Variants in DLG2 observed in about 807,000 individuals in gnomAD.
DLG2 encodes the protein discs large MAGUK scaffold protein 2.
A neutral mutation model predicts 132.5 loss-of-function variants in DLG2; 45 were observed. The ratio of observed to expected loss-of-function variants is 0.34; its 90% confidence interval spans 0.27 to 0.44. DLG2 has a LOEUF of 0.44. Among genes scored for constraint, DLG2 ranks in the 20% least tolerant of loss-of-function variants. DLG2 has a pLI of 1.00. For synonymous variants in DLG2, 424 were observed against 419.6 expected, an observed-to-expected ratio of 1.01 and a Z score of -0.13; for missense variants, 1,045 against 1,196.9, an observed-to-expected ratio of 0.87 and a Z score of 1.87.
rs2065621490 is a variant in DLG2, at chr11:83,638,963, T to C, written c.1826-5638A>G. On this transcript the variant is annotated intron_variant, in intron 18 of 27. Coordinates refer to ENST00000376104, the MANE Select transcript of DLG2 (RefSeq NM_001142699.3). ...CTGCCATACACTTGTTTGCAATTTG[T>C]TAAGGGTAAGTAAGGCGACTCAGAA... 1.3e-5 allele frequency among the ~76,000 whole-genome samples: 2 copies of C among 152,148 alleles called. 1 individual carries two copies. The highest frequency in any genetic ancestry group is 4.8e-5 in the African/African-American group (2 of 41,418).
intron 18 of DLG2, among the ~76,000 whole-genome samples, chr11:83,670,484 T>C (rs1209925019): frequency 6.6e-6 from 1 of 152,074 alleles, no homozygotes; most frequent in East Asian, 1.9e-4. Context: ...CAATTTAATA[T>C]CAGGAATTTT....
At chr11:83,596,937 A>G (rs944577269) in intron 19 of DLG2, among the ~76,000 whole-genome samples, 6 of 152,116 alleles carry the variant, frequency 3.9e-5, no homozygotes, top group African/African-American at 1.4e-4. Flanking sequence ...CATAGCTTTT[A>G]GTTCCTACCT....
At chr11:84,572,356 ATGT>A (rs1163922084) in intron 6 of DLG2, among the ~76,000 whole-genome samples, 3 of 152,098 alleles carry the variant, frequency 2.0e-5, no homozygotes, top group African/African-American at 4.8e-5. Context: ...AGCAAAAGTG[ATGT>A]TGTAGTAGCT....
At chr11:83,725,108 T>G in intron 18 of DLG2, 1 of 551,892 alleles carries the variant, frequency 1.8e-6, no homozygotes, top group South Asian at 2.6e-5. Flanking sequence ...AAAGATGGGA[T>G]TATTTTCTCC....
At chr11:84,748,781 A>C (rs2065725855) in intron 6 of DLG2, among the ~76,000 whole-genome samples, 2 of 152,116 alleles carry the variant, frequency 1.3e-5, no homozygotes, top group Admixed American at 1.3e-4. Context: ...CTCTCTTTTA[A>C]AATACTTGGC....
chr11:84,015,514 T>C (rs2095129686), intron 11 of DLG2, among the ~76,000 whole-genome samples: 1 of 152,148 alleles, frequency 6.6e-6, no homozygotes, highest in South Asian at 2.1e-4. Flanking sequence ...TAGCTATTCT[T>C]CCTGATGCTC....
intron 6 of DLG2, among the ~76,000 whole-genome samples, chr11:84,701,041 C>G (rs540349761): frequency 6.6e-6 from 1 of 151,630 alleles, no homozygotes; most frequent in South Asian, 2.1e-4. Flanking sequence ...ACCAGTCACA[C>G]GGCTGGGTGA....
At chr11:84,722,755 T>C (rs757615325) in intron 6 of DLG2, among the ~76,000 whole-genome samples, 1 of 152,160 alleles carries the variant, frequency 6.6e-6, no homozygotes, top group Non-Finnish European at 1.5e-5. Flanking sequence ...CCCTCAGAGT[T>C]GAGTTACACC....
intron 8 of DLG2, among the ~76,000 whole-genome samples, chr11:84,175,370 C>T (rs2095932932): frequency 6.6e-6 from 1 of 151,896 alleles, no homozygotes; most frequent in Non-Finnish European, 1.5e-5. Flanking sequence ...CCCTAGTAGC[C>T]GCATTATAAA....
At chr11:85,153,932 G>T (rs1036112747) in intron 5 of DLG2, among the ~76,000 whole-genome samples, 3 of 151,992 alleles carry the variant, frequency 2.0e-5, no homozygotes, top group Admixed American at 2.0e-4. Context: ...ATGAAAACAA[G>T]TTTCTCTAAT....
At chr11:85,056,907 A>G (rs607947) in intron 6 of DLG2, among the ~76,000 whole-genome samples, 107,049 of 151,730 alleles carry the variant, frequency 0.71, 38,909 homozygotes, top group East Asian at 0.96. Flanking sequence ...ACAAAAAACA[A>G]TGAATACACC....
intron 16 of DLG2, among the ~76,000 whole-genome samples, chr11:83,845,293 G>T (rs1399785676): frequency 6.6e-6 from 1 of 152,158 alleles, no homozygotes; most frequent in Non-Finnish European, 1.5e-5. Flanking sequence ...ACATGTATTA[G>T]GAAACTTGTG....
At chr11:84,919,983 C>G (rs1382875519) in intron 6 of DLG2, among the ~76,000 whole-genome samples, 3 of 152,072 alleles carry the variant, frequency 2.0e-5, no homozygotes, top group Non-Finnish European at 4.4e-5. Context: ...AAAACCCAAG[C>G]CAATGTAATG....
chr11:85,534,274 CAAATT>C (rs759547154), intron 3 of DLG2, among the ~76,000 whole-genome samples: 8 of 151,954 alleles, frequency 5.3e-5, no homozygotes, highest in Admixed American at 5.2e-4. Context: ...GAAAGCAATT[CAAATT>C]AAATTAAATT....
chr11:83,690,875 G>C (rs1208299606), intron 18 of DLG2, among the ~76,000 whole-genome samples: 2 of 152,160 alleles, frequency 1.3e-5, no homozygotes, highest in Non-Finnish European at 2.9e-5. Flanking sequence ...ACCACAAATA[G>C]TTTTACTGAA....
intron 3 of DLG2, among the ~76,000 whole-genome samples, chr11:85,333,591 G>A (rs965469833): frequency 6.6e-6 from 1 of 151,586 alleles, no homozygotes; most frequent in Admixed American, 6.6e-5. Flanking sequence ...CTCTTATTCT[G>A]AGGTATGTTC....
chr11:83,693,463 G>A (rs1324620854), intron 18 of DLG2, among the ~76,000 whole-genome samples: 5 of 152,064 alleles, frequency 3.3e-5, no homozygotes, highest in Non-Finnish European at 7.4e-5. Flanking sequence ...ATAGCAGTAG[G>A]GTGTGGGAAC....
chr11:84,610,652 T>C (rs2099593786), intron 6 of DLG2, among the ~76,000 whole-genome samples: 1 of 152,160 alleles, frequency 6.6e-6, no homozygotes, highest in South Asian at 2.1e-4. Context: ...CCAGGACCTG[T>C]TGACAGTGTC....
intron 17 of DLG2, chr11:83,790,484 AC>A: frequency 8.1e-7 from 1 of 1,233,028 alleles, no homozygotes; most frequent in South Asian, 1.2e-5. Flanking sequence ...CTACCATGGG[AC>A]CACTACTTTG....
Sources: gnomAD v4.1 joint callset for allele counts (sites outside exome capture counted in the v4.1 genomes callset) on GRCh38, gnomAD v4.1.1 for gene constraint, MANE v1.5 for transcripts, NCBI Gene and HGNC (gene_info 2026-07-23, HGNC 2026-07-21) for gene names.